Variants in SGCZ observed in about 807,000 individuals in gnomAD.
The protein encoded by SGCZ is zeta-sarcoglycan.
A neutral mutation model predicts 41.3 loss-of-function variants in SGCZ; 40 were observed. The observed-to-expected ratio is 0.97, with a 90% CI of 0.75 to 1.26. The LOEUF (loss-of-function observed/expected upper bound fraction) is 1.26. SGCZ is among the 50% of genes most tolerant of loss of function. SGCZ has a pLI of 0.00. For synonymous variants in SGCZ, 206 were observed against 137.5 expected, an observed-to-expected ratio of 1.50 and a Z score of -3.49; for missense variants, 552 against 369.8, an observed-to-expected ratio of 1.49 and a Z score of -4.04.
chr8:14,899,093 C>T (rs73666929), intron 1 of SGCZ, among the ~76,000 whole-genome samples: 10 of 150,872 alleles, frequency 6.6e-5, no homozygotes, highest in African/African-American at 2.2e-4. Flanking sequence ...ATTTTTTTTT[C>T]CTGGAATTGA....
chr8:14,884,132 T>G (rs1335959320), intron 1 of SGCZ, among the ~76,000 whole-genome samples: 1 of 152,138 alleles, frequency 6.6e-6, no homozygotes, highest in Non-Finnish European at 1.5e-5. Flanking sequence ...AAGAGATAAT[T>G]TGAAGCATCA....
In SGCZ at chr8:14,262,965, C is replaced by T. The variant is rs373436548; in HGVS notation, c.337-25286G>A. The stretch of plus-strand genomic sequence containing the variant: ...AAATCCCTTATTACCTTGATTTACG[C>T]GAACACTTGCCTGCATTTGTATTTT... On this transcript the variant is annotated intron_variant, in intron 3 of 7. Transcript: ENST00000382080. 2.3e-4 allele frequency among the ~76,000 whole-genome samples: 35 copies of T among 152,128 alleles called. No individual in the cohort carries two copies. The East Asian group carries it at 2.5e-3, about 11-fold the overall frequency.
chr8:15,136,809 C>G (rs1347911023), intron 1 of SGCZ, among the ~76,000 whole-genome samples: 1 of 152,114 alleles, frequency 6.6e-6, no homozygotes, highest in Non-Finnish European at 1.5e-5. Flanking sequence ...CTCAGGTATT[C>G]TTTCAGAGCA....
At chr8:14,645,756 T>C (rs995760561) in intron 1 of SGCZ, among the ~76,000 whole-genome samples, 5 of 151,648 alleles carry the variant, frequency 3.3e-5, no homozygotes, top group Non-Finnish European at 1.5e-5. Context: ...TTTTACGTAG[T>C]AAGTTACCAA....
At chr8:14,654,277 C>A (rs1807491537) in intron 1 of SGCZ, among the ~76,000 whole-genome samples, 1 of 151,666 alleles carries the variant, frequency 6.6e-6, no homozygotes. Flanking sequence ...GTTTAGGAGC[C>A]AGCCCACCTC....
chr8:14,231,695 C>T (rs1193846716), intron 4 of SGCZ, among the ~76,000 whole-genome samples: 1 of 152,044 alleles, frequency 6.6e-6, no homozygotes, highest in East Asian at 1.9e-4. Flanking sequence ...TTACTAGGCT[C>T]AATGATTCTT....
Position 15,237,677 on chromosome 8 carries a change from A to G in SGCZ, c.-54T>C. On this transcript the variant is annotated 5_prime_UTR_variant, in exon 1 of 8. Coordinates refer to ENST00000382080, the MANE Select transcript of SGCZ (RefSeq NM_139167.4). ...ACCGGGCGAGTGGCACCCAAAAACAATCTAGTCTTTTAGTTTCCAGCTTAA... is the reference window on the plus strand; with the variant it reads ...ACCGGGCGAGTGGCACCCAAAAACAGTCTAGTCTTTTAGTTTCCAGCTTAA... 6.5e-7 allele frequency: 1 copy of G among 1,548,444 alleles called. No homozygotes were observed. The highest frequency in any genetic ancestry group is 8.8e-7 in the Non-Finnish European group (1 of 1,142,062).
At chr8:14,851,398 A>G (rs1460909248) in intron 1 of SGCZ, among the ~76,000 whole-genome samples, 1 of 150,096 alleles carries the variant, frequency 6.7e-6, no homozygotes, top group African/African-American at 2.4e-5. Flanking sequence ...AAAGAAAAAA[A>G]GAAAAAAGAA....
At chr8:14,979,107 T>C (rs1563407270) in intron 1 of SGCZ, among the ~76,000 whole-genome samples, 1 of 152,186 alleles carries the variant, frequency 6.6e-6, no homozygotes, top group Admixed American at 6.5e-5. Flanking sequence ...CCAAGTTTAC[T>C]ATTTTCTTAC....
intron 1 of SGCZ, among the ~76,000 whole-genome samples, chr8:14,566,427 C>G (rs1050970454): frequency 1.3e-5 from 2 of 152,124 alleles, no homozygotes; most frequent in African/African-American, 4.8e-5. Context: ...CGATTCCCTA[C>G]TGAGGCCAGA....
intron 1 of SGCZ, among the ~76,000 whole-genome samples, chr8:14,790,684 G>A (rs1018508404): frequency 1.3e-5 from 2 of 152,180 alleles, no homozygotes; most frequent in Non-Finnish European, 2.9e-5. Flanking sequence ...AAGAATAATT[G>A]AAAACAAAGA....
At chr8:15,101,726 T>C (rs1267790190) in intron 1 of SGCZ, among the ~76,000 whole-genome samples, 3 of 152,134 alleles carry the variant, frequency 2.0e-5, no homozygotes, top group Non-Finnish European at 1.5e-5. Context: ...AGTCAGGCAT[T>C]TGAGACCAGC....
chr8:15,109,221 T>C (rs1050705671), intron 1 of SGCZ, among the ~76,000 whole-genome samples: 1 of 152,186 alleles, frequency 6.6e-6, no homozygotes, highest in African/African-American at 2.4e-5. Context: ...TGCCTTCTCC[T>C]TTCCCAGCTT....
intron 1 of SGCZ, among the ~76,000 whole-genome samples, chr8:15,035,254 G>T (rs1318012027): frequency 6.6e-6 from 1 of 152,110 alleles, no homozygotes; most frequent in Non-Finnish European, 1.5e-5. Flanking sequence ...TGCAATTAAA[G>T]CTAATTTGTT....
At chr8:14,958,838 A>C (rs988977999) in intron 1 of SGCZ, among the ~76,000 whole-genome samples, 1 of 152,148 alleles carries the variant, frequency 6.6e-6, no homozygotes, top group African/African-American at 2.4e-5. Flanking sequence ...TAAAGGTTGA[A>C]TGACAGAGAA....
At chr8:14,643,301 A>G (rs1309653904) in intron 1 of SGCZ, among the ~76,000 whole-genome samples, 1 of 151,616 alleles carries the variant, frequency 6.6e-6, no homozygotes, top group East Asian at 1.9e-4. Flanking sequence ...AGTGAAATAT[A>G]TATATTTCAC....
chr8:14,587,749 G>A (rs1175687090), intron 1 of SGCZ, among the ~76,000 whole-genome samples: 3 of 152,248 alleles, frequency 2.0e-5, no homozygotes, highest in East Asian at 1.9e-4. Flanking sequence ...TCAATACTAA[G>A]TGTAATTCAT....
At chr8:14,926,439 G>C (rs532889503) in intron 1 of SGCZ, among the ~76,000 whole-genome samples, 1 of 152,066 alleles carries the variant, frequency 6.6e-6, no homozygotes, top group African/African-American at 2.4e-5. Flanking sequence ...ATCTAGATAA[G>C]TATCATCCCT....
intron 2 of SGCZ, among the ~76,000 whole-genome samples, chr8:14,346,998 G>C (rs979866822): frequency 6.6e-6 from 1 of 151,778 alleles, no homozygotes; most frequent in African/African-American, 2.4e-5. Flanking sequence ...ATAATAAAAT[G>C]CTTATCCTAA....
Sources: allele counts gnomAD v4.1 joint callset (sites outside exome capture counted in the v4.1 genomes callset), GRCh38; gene constraint gnomAD v4.1.1; transcripts MANE v1.5; gene names NCBI Gene and HGNC (gene_info 2026-07-23, HGNC 2026-07-21).